The following ROCK2 variants were observed in gnomAD, a reference collection of about 807,000 sequenced individuals.
The protein encoded by ROCK2 is Rho associated coiled-coil containing protein kinase 2.
A neutral mutation model predicts 195.1 loss-of-function variants in ROCK2; 61 were observed. The ratio of observed to expected loss-of-function variants is 0.31; its 90% confidence interval spans 0.25 to 0.39. ROCK2 has a LOEUF of 0.39. Ranked by LOEUF, ROCK2 falls within the 10% of genes least tolerant of loss-of-function variation. The probability of loss-of-function intolerance (pLI) is 1.00; values close to 1 mark genes in which losing one functional copy is unlikely to be tolerated. For missense variants in ROCK2, 1,109 were observed against 1,637.4 expected, an observed-to-expected ratio of 0.68 and a Z score of 5.57; for synonymous variants, 504 against 545.5, an observed-to-expected ratio of 0.92 and a Z score of 1.06.
rs558091648 is a variant in ROCK2, at chr2:11,292,840, G to A, written c.142-5104C>T. On this transcript the variant is annotated intron_variant, in intron 1 of 32. Coordinates refer to ENST00000315872, the MANE Select transcript of ROCK2 (RefSeq NM_004850.5). Reference sequence around the variant, plus strand: ...TCCCCAATGTTGGAGGAGGGGCTTGGTGGGAGGTGATTGGATCACAGGGTA... The same window carrying A: ...TCCCCAATGTTGGAGGAGGGGCTTGATGGGAGGTGATTGGATCACAGGGTA... Among the ~76,000 whole-genome samples the A allele has an allele frequency of 7.6e-4, 116 of 152,294 alleles. 1 individual carries two copies. The highest frequency in any genetic ancestry group is 1.3e-3 in the Non-Finnish European group (89 of 68,022).
chr2:11,289,711 T>C (rs1475065144), intron 1 of ROCK2, among the ~76,000 whole-genome samples: 2 of 152,180 alleles, frequency 1.3e-5, no homozygotes, highest in Non-Finnish European at 2.9e-5. Flanking sequence ...ACACTACAAC[T>C]TGACATTAAT....
At chr2:11,330,591 T>C (rs1325002177) in intron 1 of ROCK2, among the ~76,000 whole-genome samples, 1 of 152,080 alleles carries the variant, frequency 6.6e-6, no homozygotes, top group Admixed American at 6.6e-5. Flanking sequence ...AACGAAAAAC[T>C]TTTAAGAACC....
intron 1 of ROCK2, among the ~76,000 whole-genome samples, chr2:11,304,252 A>G (rs1667789087): frequency 6.6e-6 from 1 of 152,200 alleles, no homozygotes; most frequent in African/African-American, 2.4e-5. Context: ...TTCAAACAAT[A>G]ATGTCCAAAA....
Position 11,265,195 on chromosome 2 carries a change from T to C in ROCK2, c.325-15397A>G, listed in dbSNP as rs138966755. Among the ~76,000 whole-genome samples, 117 of 151,708 alleles carry C rather than the reference T, an allele frequency of 7.7e-4. 1 individual carries two copies. The highest frequency in any genetic ancestry group is 2.7e-3 in the African/African-American group (111 of 41,030). ...TAAAAGAGTGTATGCTACCATTTATTACTACATTAAAAAACACAAATTACA... is the reference window on the plus strand; with the variant it reads ...TAAAAGAGTGTATGCTACCATTTATCACTACATTAAAAAACACAAATTACA... On this transcript the variant is annotated intron_variant, in intron 3 of 32. Coordinates refer to ENST00000315872, the MANE Select transcript of ROCK2 (RefSeq NM_004850.5).
Position 11,270,483 on chromosome 2 carries a change from C to A in ROCK2, c.324+16056G>T, listed in dbSNP as rs985108529. Reference sequence around the variant, plus strand: ...TTCTTCTTCTTGTATTCCCATTACACATATTTTACACCTTTTCTAGTGGTT... The same window carrying A: ...TTCTTCTTCTTGTATTCCCATTACAAATATTTTACACCTTTTCTAGTGGTT... On this transcript the variant is annotated intron_variant, in intron 3 of 32. Coordinates refer to ENST00000315872, the MANE Select transcript of ROCK2 (RefSeq NM_004850.5). Among the ~76,000 whole-genome samples the A allele has an allele frequency of 3.9e-5, 6 of 152,134 alleles. No homozygotes were observed. In the East Asian group the frequency reaches 1.2e-3, roughly 29 times the overall value.
chr2:11,332,131 C>A (rs910940534), intron 1 of ROCK2, among the ~76,000 whole-genome samples: 2 of 151,640 alleles, frequency 1.3e-5, no homozygotes, highest in Admixed American at 6.6e-5. Flanking sequence ...CAGAGTGAGA[C>A]CCCATCTCTT....
At chr2:11,224,875 T>A (rs1376428132) in intron 6 of ROCK2, among the ~76,000 whole-genome samples, 2 of 152,098 alleles carry the variant, frequency 1.3e-5, no homozygotes, top group East Asian at 3.9e-4. Flanking sequence ...ACAACACAGT[T>A]GCCACTAGCT....
intron 1 of ROCK2, among the ~76,000 whole-genome samples, chr2:11,328,383 T>C (rs1158977758): frequency 3.3e-5 from 5 of 152,224 alleles, no homozygotes; most frequent in African/African-American, 1.2e-4. Flanking sequence ...TATAGGCTGT[T>C]ATACACATAG....
chr2:11,340,190 T>C (rs542578594), intron 1 of ROCK2, among the ~76,000 whole-genome samples: 2 of 152,286 alleles, frequency 1.3e-5, no homozygotes, highest in South Asian at 2.1e-4. Context: ...ACATATACTG[T>C]GTACTCCCAA....
At chr2:11,288,710 C>T (rs897936196) in intron 1 of ROCK2, among the ~76,000 whole-genome samples, 1 of 145,754 alleles carries the variant, frequency 6.9e-6, no homozygotes, top group Non-Finnish European at 1.6e-5. Flanking sequence ...AACGAAACAG[C>T]AGTAAAAATA....
chr2:11,211,535 G>A (rs1664246545), intron 18 of ROCK2, 146 bp downstream of exon 18: 4 of 679,720 alleles, frequency 5.9e-6, no homozygotes, highest in Non-Finnish European at 9.1e-6. Flanking sequence ...GAATATCTAT[G>A]TAAAGCTTCC....
At chr2:11,229,325 A>G (rs1664919889) in intron 5 of ROCK2, among the ~76,000 whole-genome samples, 1 of 152,150 alleles carries the variant, frequency 6.6e-6, no homozygotes, top group Admixed American at 6.5e-5. Flanking sequence ...GGAAGCCCTC[A>G]AATTATATGA....
chr2:11,317,610 A>ATTTTTTTTT (rs1300312547), intron 1 of ROCK2, among the ~76,000 whole-genome samples: 1 of 16,798 alleles, frequency 6.0e-5, no homozygotes, highest in East Asian at 2.1e-3. Context: ...ATATATATAT[A>ATTTTTTTTT]TATTTTTTTT....
At chr2:11,238,585 C>T (rs189694292) in intron 4 of ROCK2, among the ~76,000 whole-genome samples, 1 of 152,134 alleles carries the variant, frequency 6.6e-6, no homozygotes, top group African/African-American at 2.4e-5. Context: ...CGGTGGCTCA[C>T]GCCGGTAATC....
At chr2:11,343,886 T>G (rs1314967056) in intron 1 of ROCK2, 110 bp downstream of exon 1, 1 of 1,333,150 alleles carries the variant, frequency 7.5e-7, no homozygotes, top group Admixed American at 2.9e-5. Context: ...CAGGGCGGGG[T>G]GGGGCAAGAC....
chr2:11,252,067 C>T (rs866716594), intron 3 of ROCK2, among the ~76,000 whole-genome samples: 2 of 151,952 alleles, frequency 1.3e-5, no homozygotes, highest in East Asian at 1.9e-4. Flanking sequence ...TTGGTGGGAG[C>T]GTAAATTAGT....
At chr2:11,202,678 A>G (rs1450712703) in intron 20 of ROCK2, among the ~76,000 whole-genome samples, 1 of 151,874 alleles carries the variant, frequency 6.6e-6, no homozygotes, top group African/African-American at 2.4e-5. Context: ...TTGTATTTTT[A>G]GTAGAGACGG....
intron 3 of ROCK2, among the ~76,000 whole-genome samples, chr2:11,281,340 C>G (rs895446627): frequency 1.3e-5 from 2 of 151,358 alleles, no homozygotes; most frequent in African/African-American, 4.9e-5. Context: ...AGATCAAGAA[C>G]AAAAGCAAGG....
chr2:11,224,215 G>T (rs1410303816), intron 7 of ROCK2, 107 bp downstream of exon 7: 12 of 1,049,890 alleles, frequency 1.1e-5, no homozygotes, highest in African/African-American at 3.2e-5. Context: ...ATGCTACTTG[G>T]GTAATGAGAG....
Sources: gnomAD v4.1 joint callset for allele counts (sites outside exome capture counted in the v4.1 genomes callset) on GRCh38, gnomAD v4.1.1 for gene constraint, MANE v1.5 for transcripts, NCBI Gene and HGNC (gene_info 2026-07-23, HGNC 2026-07-21) for gene names.